Variants in OXCT1 observed in about 807,000 individuals in gnomAD.
The protein encoded by OXCT1 is succinyl-CoA:3-ketoacid coenzyme A transferase 1, mitochondrial.
Under a neutral mutation model 69.6 loss-of-function variants are expected in OXCT1, and 27 were observed. That is an observed-to-expected ratio of 0.39 (90% CI 0.29 to 0.54). The LOEUF is 0.54. Ranked by LOEUF, OXCT1 falls within the 20% of genes least tolerant of loss-of-function variation. The probability of loss-of-function intolerance (pLI) is 0.72; values close to 1 mark genes in which losing one functional copy is unlikely to be tolerated. For missense variants in OXCT1, 437 were observed against 650.2 expected (o/e 0.67, Z 3.57); for synonymous variants, 202 against 217.8 (o/e 0.93, Z 0.64).
chr5:41,770,655 T>C (rs1744834778), intron 13 of OXCT1, among the ~76,000 whole-genome samples: 1 of 152,200 alleles, frequency 6.6e-6, no homozygotes. Context: ...TCAATGTTTC[T>C]GAGGCCAAAT....
chr5:41,799,719 G>A (rs1412647309), intron 11 of OXCT1, among the ~76,000 whole-genome samples: 3 of 152,120 alleles, frequency 2.0e-5, no homozygotes, highest in African/African-American at 7.2e-5. Flanking sequence ...TTGCTAAAGG[G>A]TACAGTACAA....
chr5:41,815,305 T>G (rs1747185656), intron 7 of OXCT1, among the ~76,000 whole-genome samples: 1 of 152,118 alleles, frequency 6.6e-6, no homozygotes, highest in South Asian at 2.1e-4. Flanking sequence ...CAAGCTAAAA[T>G]AGCAAAATAC....
rs965917646 is a variant in OXCT1, at chr5:41,845,566, T to TA, written c.565-2786dup. Among the ~76,000 whole-genome samples, 1,039 of 143,852 alleles carry TA rather than the reference T, an allele frequency of 7.2e-3. 9 individuals are homozygous for TA. The highest frequency in any genetic ancestry group is 0.021 in the African/African-American group (827 of 39,302). The allele number at this position is 143,852 out of a possible 152,430, so 94.4% of individuals were successfully genotyped here. A position where few individuals can be genotyped will look rare whatever the true frequency, so the allele number is the denominator to read the frequency against. ...TGAACTCACTTTTTCCTGCTTTAAG[T>TA]AAAAAAAAAAAGTACTAAGAATTAA... On this transcript the variant is annotated intron_variant, in intron 5 of 16. Transcript: ENST00000196371.
chr5:41,861,923 C>T (rs1464188994), intron 2 of OXCT1, among the ~76,000 whole-genome samples: 1 of 152,120 alleles, frequency 6.6e-6, no homozygotes, highest in South Asian at 2.1e-4. Context: ...CAGAAGCAGG[C>T]AGCAAGTTGG....
At chr5:41,753,613 T>C (rs1743918531) in intron 14 of OXCT1, among the ~76,000 whole-genome samples, 2 of 152,080 alleles carry the variant, frequency 1.3e-5, no homozygotes, top group South Asian at 4.1e-4. Context: ...GCAGTCATGT[T>C]CCCATGGGTG....
intron 7 of OXCT1, among the ~76,000 whole-genome samples, chr5:41,826,669 C>G (rs1747821922): frequency 6.6e-6 from 1 of 152,126 alleles, no homozygotes; most frequent in African/African-American, 2.4e-5. Flanking sequence ...TAAGCCTCCT[C>G]AGGATTAGTC....
At position 41,777,126 on chromosome 5, in the gene OXCT1, A is replaced by G. The variant is rs1745160672; in HGVS notation, c.1249-14926T>C. Among the ~76,000 whole-genome samples the G allele has an allele frequency of 2.0e-5, 3 of 152,174 alleles. No homozygotes were observed. In the South Asian group the frequency reaches 6.2e-4, roughly 32 times the overall value. ...TAGAATGTGTAACAAGCTCTCCTTT[A>G]CAAAAAAGGGGCCGGGTGCGGTGGC... On this transcript the variant is annotated intron_variant, in intron 13 of 16. Coordinates refer to ENST00000196371, the MANE Select transcript of OXCT1 (RefSeq NM_000436.4).
At chr5:41,771,365 A>C (rs762959660) in intron 13 of OXCT1, among the ~76,000 whole-genome samples, 1 of 152,196 alleles carries the variant, frequency 6.6e-6, no homozygotes, top group Non-Finnish European at 1.5e-5. Context: ...AGAACTATGA[A>C]ACCAATGTAT....
chr5:41,864,887 G>A (rs1404929489), intron 1 of OXCT1, among the ~76,000 whole-genome samples: 1 of 152,120 alleles, frequency 6.6e-6, no homozygotes, highest in Non-Finnish European at 1.5e-5. Context: ...GAAGAGTCAG[G>A]CCCTTATAGC....
chr5:41,754,459 C>T (rs1038725286), intron 14 of OXCT1, among the ~76,000 whole-genome samples: 1 of 152,078 alleles, frequency 6.6e-6, no homozygotes, highest in South Asian at 2.1e-4. Flanking sequence ...AAGATGGATA[C>T]CCCATTCTCC....
At chr5:41,777,102 A>T (rs1463729688) in intron 13 of OXCT1, among the ~76,000 whole-genome samples, 5 of 152,172 alleles carry the variant, frequency 3.3e-5, no homozygotes, top group African/African-American at 1.2e-4. Flanking sequence ...ATGTGCTTGT[A>T]GAATGTGTAA....
chr5:41,740,144 CAAAG>C (rs1561353623), intron 15 of OXCT1, among the ~76,000 whole-genome samples: 2 of 151,408 alleles, frequency 1.3e-5, no homozygotes, highest in African/African-American at 2.4e-5. Flanking sequence ...ATGATTTGAA[CAAAG>C]AAAGGAATGA....
chr5:41,749,544 G>A lies in OXCT1; in HGVS notation c.1402C>T (p.Arg468Cys), dbSNP rs1327401976. 7 of 1,605,012 alleles carry A rather than the reference G, an allele frequency of 4.4e-6. No individual in the cohort carries two copies. Among genetic ancestry groups the A allele is most frequent in the East Asian group, 2.2e-5 (1 of 44,696 alleles). Residue 468 changes from arginine to cysteine, a missense_variant, in exon 15 of 17, where the codon CGC becomes TGC. Around this residue, in one of 4 missense-constraint regions of OXCT1, gnomAD observed 102 missense variants for 162.1 expected, o/e 0.63. Transcript: ENST00000196371. Reference sequence around the variant, plus strand: ...CTTTTTACCTTTTCAGTAATAATGCGGTTGACACATTGCTTTCCAGTCAAT... The same window carrying A: ...CTTTTTACCTTTTCAGTAATAATGCAGTTGACACATTGCTTTCCAGTCAAT... ...LPLTGKQCVN[R>C]IITEKAVFDV...
chr5:41,797,501 G>A (rs1403430633), intron 11 of OXCT1, among the ~76,000 whole-genome samples: 4 of 152,112 alleles, frequency 2.6e-5, no homozygotes, highest in Admixed American at 2.6e-4. Flanking sequence ...GTAACTAAAG[G>A]CAATCAACAC....
chr5:41,749,705 G>GT (rs1743673123), intron 14 of OXCT1, 98 bp from the exon 15 acceptor site: 7 of 782,968 alleles, frequency 8.9e-6, no homozygotes, highest in Non-Finnish European at 1.5e-5. Flanking sequence ...CAGAGAAATT[G>GT]TCTCCTAAGT....
chr5:41,790,511 TA>T (rs947090735), intron 13 of OXCT1, among the ~76,000 whole-genome samples: 8 of 152,312 alleles, frequency 5.3e-5, no homozygotes, highest in African/African-American at 1.9e-4. Context: ...TATTAAACGG[TA>T]AGACAAATAG....
At chr5:41,851,731 A>G (rs1277516185) in intron 4 of OXCT1, among the ~76,000 whole-genome samples, 2 of 152,196 alleles carry the variant, frequency 1.3e-5, no homozygotes, top group African/African-American at 2.4e-5. Context: ...AAAAAATGAT[A>G]TATTAATGAT....
chr5:41,731,297 G>A lies in OXCT1; in HGVS notation c.*432C>T, dbSNP rs181912632. On this transcript the variant is annotated 3_prime_UTR_variant, in exon 17 of 17. Transcript: ENST00000196371. ...AGCCCCAAAAGAAAAGTCAGAGGAG[G>A]CTGAAGAAAAAACAATCATGACAGC... 1 of 836,350 alleles carries A rather than the reference G, an allele frequency of 1.2e-6. No individual in the cohort carries two copies. The highest frequency in any genetic ancestry group is 1.1e-4 in the East Asian group (1 of 9,182). 51.8% of individuals were successfully genotyped at this position (836,350 alleles called of 1,614,324 possible).
chr5:41,770,151 T>C (rs1302360424), intron 13 of OXCT1, among the ~76,000 whole-genome samples: 1 of 152,250 alleles, frequency 6.6e-6, no homozygotes, highest in Admixed American at 6.5e-5. Context: ...TCACTATGTA[T>C]TTAAGTAAAC....
Sources: allele counts gnomAD v4.1 joint callset (sites outside exome capture counted in the v4.1 genomes callset), GRCh38; gene constraint gnomAD v4.1.1; regional missense constraint gnomAD v4.1.1; transcripts MANE v1.5; gene names NCBI Gene and HGNC (gene_info 2026-07-23, HGNC 2026-07-21).